SPHKAP: variants seen among roughly 807,000 people sequenced by gnomAD.
SPHKAP encodes the protein A-kinase anchor protein SPHKAP.
In SPHKAP, 67 loss-of-function variants were observed where a neutral mutation model predicts 137.5. That is an observed-to-expected ratio of 0.49 (90% CI 0.40 to 0.60). The LOEUF is 0.60. Among genes scored for constraint, SPHKAP ranks in the 20% least tolerant of loss-of-function variants. The pLI, the probability that SPHKAP is intolerant of heterozygous loss-of-function variation, is 0.00. For missense variants in SPHKAP, 2,097 were observed against 2,069.3 expected, an observed-to-expected ratio of 1.01 and a Z score of -0.26; for synonymous variants, 813 against 785.3, an observed-to-expected ratio of 1.04 and a Z score of -0.59.
rs1035774278 is a variant in SPHKAP at position 228,079,532 on chromosome 2, G to T, written c.246+29300C>A. On this transcript the variant is annotated intron_variant, in intron 3 of 11. Transcript: ENST00000392056. ...GCTGCAGGCCTAGACCTATCCCCAG[G>T]GACTCAAGCTCCAGGCCTTTCCCAT... is the stretch of plus-strand genomic sequence containing the variant. Among the ~76,000 whole-genome samples the T allele has an allele frequency of 3.3e-5, 5 of 152,212 alleles. No homozygotes were observed. In the South Asian group the frequency reaches 8.3e-4, roughly 25 times the overall value.
At chr2:228,104,300 T>A (rs1475044708) in intron 3 of SPHKAP, among the ~76,000 whole-genome samples, 1 of 144,366 alleles carries the variant, frequency 6.9e-6, no homozygotes, top group South Asian at 2.1e-4. Flanking sequence ...TCATATATTA[T>A]ATAATAATAT....
chr2:228,017,564 A>G lies in SPHKAP; in HGVS notation c.3290T>C (p.Val1097Ala). 6.2e-7 allele frequency: 1 copy of G among 1,613,624 alleles called. No individual in the cohort carries two copies. Among genetic ancestry groups the G allele is most frequent in the Non-Finnish European group, 8.5e-7 (1 of 1,179,962 alleles). ...CGTGCTCATTAAGCCCAGGCTGTTG[A>G]CATAGGCCCTGGCCTCGGAGTCTTC... ...PEEDSEARAY[V>A]NSLGLMSTLS... Residue 1097 changes from valine (V) to alanine (A), a missense_variant, in exon 7 of 12, where the codon GTC (valine) becomes GCC (alanine). Physicochemically the swap from Val to Ala is moderately conservative, Grantham distance 64 (BLOSUM62 0). Transcript: ENST00000392056.
intron 3 of SPHKAP, among the ~76,000 whole-genome samples, chr2:228,108,238 G>T (rs1490362407): frequency 6.6e-6 from 1 of 152,088 alleles, no homozygotes; most frequent in African/African-American, 2.4e-5. Context: ...CATATAGGAA[G>T]GAACATATTC....
At chr2:228,113,542 A>T (rs1156976460) in intron 2 of SPHKAP, among the ~76,000 whole-genome samples, 1 of 151,180 alleles carries the variant, frequency 6.6e-6, no homozygotes, top group African/African-American at 2.4e-5. Context: ...GCAGTGTTCC[A>T]TTGAAATTAT....
In SPHKAP at chr2:228,131,951, A is replaced by G. The variant is rs769012865; in HGVS notation, c.138+29T>C. 3.7e-6 allele frequency: 6 copies of G among 1,604,536 alleles called. No individual in the cohort carries two copies. The Admixed American group carries it at 8.4e-5, about 22-fold the overall frequency. On this transcript the variant is annotated intron_variant, in intron 2 of 11. Transcript: ENST00000392056. ...AAATGAATATTCAAGTTCAACTGAC[A>G]AGAAGAAAGTGGCGTAAGGCAAGGT...
chr2:228,089,560 C>T (rs1177226908), intron 3 of SPHKAP, among the ~76,000 whole-genome samples: 1 of 152,182 alleles, frequency 6.6e-6, no homozygotes, highest in East Asian at 1.9e-4. Context: ...AAGCCAAATG[C>T]TAATATCCAA....
At chr2:228,133,006 AAAAC>A (rs923121473) in intron 1 of SPHKAP, among the ~76,000 whole-genome samples, 5 of 151,370 alleles carry the variant, frequency 3.3e-5, no homozygotes, top group African/African-American at 9.7e-5. Context: ...AAAAAAACAA[AAAAC>A]AAACAAACAA....
intron 3 of SPHKAP, among the ~76,000 whole-genome samples, chr2:228,092,337 G>A (rs1697799345): frequency 8.5e-6 from 1 of 117,776 alleles, no homozygotes; most frequent in African/African-American, 3.1e-5. Flanking sequence ...ACACACACGT[G>A]TATGTGTGTG....
At chr2:228,162,844 A>G (rs1700314311) in intron 1 of SPHKAP, among the ~76,000 whole-genome samples, 1 of 152,074 alleles carries the variant, frequency 6.6e-6, no homozygotes, top group Non-Finnish European at 1.5e-5. Context: ...GATTACAGGC[A>G]TGTGCCACCA....
chr2:228,046,291 CTTTTTTTT>C (rs58510792), intron 3 of SPHKAP, among the ~76,000 whole-genome samples: 1 of 82,528 alleles, frequency 1.2e-5, no homozygotes, highest in Admixed American at 1.7e-4. Flanking sequence ...TGTTGTTATT[CTTTTTTTT>C]TTTTTTTTTT....
chr2:228,024,798 AAAT>A (rs1283656000), intron 5 of SPHKAP, among the ~76,000 whole-genome samples: 1 of 152,176 alleles, frequency 6.6e-6, no homozygotes, highest in Non-Finnish European at 1.5e-5. Context: ...ATCTTTAAAT[AAAT>A]AATGTTATAG....
intron 3 of SPHKAP, among the ~76,000 whole-genome samples, chr2:228,092,262 CGT>C (rs1559168877): frequency 7.0e-6 from 1 of 141,974 alleles, no homozygotes; most frequent in African/African-American, 2.7e-5. Flanking sequence ...TGTGTGTATA[CGT>C]ACACACACAC....
At chr2:228,178,679 C>G (rs1165150409) in intron 1 of SPHKAP, among the ~76,000 whole-genome samples, 1 of 151,348 alleles carries the variant, frequency 6.6e-6, no homozygotes, top group East Asian at 1.9e-4. Context: ...TCTTGATGGA[C>G]TACTAGTCAG....
intron 3 of SPHKAP, among the ~76,000 whole-genome samples, chr2:228,034,771 G>A (rs1438750574): frequency 6.6e-6 from 1 of 152,212 alleles, no homozygotes; most frequent in Non-Finnish European, 1.5e-5. Flanking sequence ...CAGAACCAAA[G>A]ATGAAAACTA....
intron 3 of SPHKAP, among the ~76,000 whole-genome samples, chr2:228,063,830 G>C (rs1446954042): frequency 1.3e-5 from 2 of 152,142 alleles, no homozygotes; most frequent in African/African-American, 4.8e-5. Flanking sequence ...ATTGTTACAG[G>C]AATGCATTAT....
At chr2:228,100,666 C>G (rs1485338306) in intron 3 of SPHKAP, among the ~76,000 whole-genome samples, 1 of 152,128 alleles carries the variant, frequency 6.6e-6, no homozygotes, top group Non-Finnish European at 1.5e-5. Flanking sequence ...ATATGTTCCA[C>G]CAGCCCTGCA....
At chr2:228,153,726 T>A (rs1041865670) in intron 1 of SPHKAP, among the ~76,000 whole-genome samples, 70 of 151,648 alleles carry the variant, frequency 4.6e-4, no homozygotes, top group Non-Finnish European at 8.0e-4. Flanking sequence ...AAATGTTAAA[T>A]TTTTTTTTGC....
intron 1 of SPHKAP, among the ~76,000 whole-genome samples, chr2:228,175,133 G>T (rs1700701548): frequency 6.6e-6 from 1 of 151,740 alleles, no homozygotes. Flanking sequence ...AAGCAGAACA[G>T]GATAGGAAAA....
chr2:228,174,756 T>C (rs1700688565), intron 1 of SPHKAP, among the ~76,000 whole-genome samples: 1 of 152,114 alleles, frequency 6.6e-6, no homozygotes, highest in South Asian at 2.1e-4. Flanking sequence ...GTTGGAACTA[T>C]ATGGCAGGGA....
Sources: allele counts gnomAD v4.1 joint callset (sites outside exome capture counted in the v4.1 genomes callset), GRCh38; gene constraint gnomAD v4.1.1; transcripts MANE v1.5; gene names NCBI Gene and HGNC (gene_info 2026-07-23, HGNC 2026-07-21).